The following TRIM68 variants were observed in gnomAD, a reference collection of about 807,000 sequenced individuals.
The protein encoded by TRIM68 is tripartite motif containing 68.
TRIM68 carries 36 observed loss-of-function variants against 41.9 expected under a neutral mutation model. The observed-to-expected ratio is 0.86, with a 90% CI of 0.66 to 1.14. The LOEUF is 1.14. Among genes scored for constraint, TRIM68 ranks in the 50% most tolerant of loss-of-function variants. The pLI is 0.00. For missense variants in TRIM68, 632 were observed against 605.1 expected (o/e 1.04, Z -0.47); for synonymous variants, 225 against 224.6 (o/e 1.00, Z -0.02).
rs1205511915 is a variant in TRIM68, at chr11:4,605,461, G to T, written c.44C>A (p.Ala15Asp). The T allele has an allele frequency of 6.2e-7, 1 of 1,612,644 alleles. No individual in the cohort carries two copies. Residue 15 changes from alanine to aspartate, a missense_variant, in exon 2 of 7, where the codon GCC becomes GAC. Transcript: ENST00000300747. ...ALVEAIVEEV[A>D]CPICMTFLRE... ...CAGGAAGGTCATACAGATGGGACAG[G>T]CCACTTCTTCCACAATGGCTTCCAC...
chr11:4,602,350 T>C lies in TRIM68; in HGVS notation c.585A>G (p.Leu195=), dbSNP rs1197115118. Residue 195 remains leucine, a synonymous_variant, in exon 4 of 7, where the codon CTA becomes CTG. Transcript: ENST00000300747. ...VWEFEKYQRL[L]EKKQPPHRQL... ...GCCGATGTGGTGGCTGCTTTTTCTC[T>C]AGTAATCGCTGGTATTTTTCAAACT... The C allele has an allele frequency of 6.2e-7, 1 of 1,614,190 alleles. No homozygotes were observed. Among genetic ancestry groups the C allele is most frequent in the Non-Finnish European group, 8.5e-7 (1 of 1,180,042 alleles).
At position 4,599,631 on chromosome 11, in the gene TRIM68, C is replaced by A. The variant is rs4910638; in HGVS notation, c.*645G>T. The A allele has an allele frequency of 0.57, 86,129 of 152,130 alleles. 24,561 individuals are homozygous for A. The highest frequency in any genetic ancestry group is 0.63 in the East Asian group (3,257 of 5,172). 9.4% of individuals were successfully genotyped at this position (152,130 alleles called of 1,614,324 possible). ...AAAGGCAAGACTAGGACACTGGTCT[C>A]CTGGAGTCCAAGGGACAGTGATTTG... On this transcript the variant is annotated 3_prime_UTR_variant, in exon 7 of 7. Transcript: ENST00000300747.
chr11:4,601,912 G>T, intron 4 of TRIM68: 1 of 766,778 alleles, frequency 1.3e-6, no homozygotes, highest in Non-Finnish European at 2.1e-6. Flanking sequence ...GGCTAGAGGA[G>T]AGGGCCTGGA....
Position 4,605,341 on chromosome 11 carries a change from TA to T in TRIM68, c.163del (p.Tyr55ThrfsTer25), listed in dbSNP as rs1382991980. On this transcript the variant is annotated frameshift_variant, in exon 2 of 7. Transcript: ENST00000300747. LOFTEE classifies it high-confidence loss of function. Reference protein sequence around the residue: ...EIPGESQNWGYTCPLCRAPVQ... With the variant: ...EIPGESQNWGXTCPLCRAPVQ... ...AGGAGCTCGACAGAGGGGACAGGTG[TA>T]ACCCCAGTTCTGGGATTCTCCTGGG... 6.2e-7 allele frequency: 1 copy of T among 1,614,106 alleles called. No individual in the cohort carries two copies. Among genetic ancestry groups the T allele is most frequent in the East Asian group, 2.2e-5 (1 of 44,888 alleles).
Position 4,599,863 on chromosome 11 carries a change from A to G in TRIM68, c.*413T>C, listed in dbSNP as rs138145498. The G allele has an allele frequency of 1.2e-3, 196 of 159,606 alleles. 2 individuals carry two copies. Among genetic ancestry groups the G allele is most frequent in the African/African-American group, 4.2e-3 (177 of 41,858 alleles). 9.9% of individuals were successfully genotyped at this position (159,606 alleles called of 1,614,324 possible). A position where few individuals can be genotyped will look rare whatever the true frequency, so the allele number is the denominator to read the frequency against. On this transcript the variant is annotated 3_prime_UTR_variant, in exon 7 of 7. Coordinates refer to ENST00000300747, the MANE Select transcript of TRIM68 (RefSeq NM_018073.8). Reference sequence around the variant, plus strand: ...GGTATGCGCAGCATTTTTTTGGCCTATTGGGAAAGCCCATCTAATGGTGTC... The same window carrying G: ...GGTATGCGCAGCATTTTTTTGGCCTGTTGGGAAAGCCCATCTAATGGTGTC...
chr11:4,602,027 A>T, intron 4 of TRIM68, 125 bp downstream of exon 4: 2 of 1,403,796 alleles, frequency 1.4e-6, no homozygotes, highest in Non-Finnish European at 2.0e-6. Context: ...CTGGGGAAAC[A>T]CAGGATCCAT....
At chr11:4,606,550 T>C (rs529917632) in intron 1 of TRIM68, among the ~76,000 whole-genome samples, 2 of 152,358 alleles carry the variant, frequency 1.3e-5, no homozygotes, top group East Asian at 1.9e-4. Context: ...TAGGAAATAG[T>C]TCCTAAACCC....
At position 4,605,343 on chromosome 11, in the gene TRIM68, A is replaced by T; in HGVS notation, c.162T>A (p.Gly54=). 1 of 1,614,152 alleles carries T rather than the reference A, an allele frequency of 6.2e-7. No homozygotes were observed. Among genetic ancestry groups the T allele is most frequent in the East Asian group, 2.2e-5 (1 of 44,866 alleles). ...WEIPGESQNW[G]YTCPLCRAPV... is the part of the protein sequence containing the mutation. ...GAGCTCGACAGAGGGGACAGGTGTA[A>T]CCCCAGTTCTGGGATTCTCCTGGGA... Residue 54 remains glycine, a synonymous_variant, in exon 2 of 7, where the codon GGT becomes GGA. Coordinates refer to ENST00000300747, the MANE Select transcript of TRIM68 (RefSeq NM_018073.8).
Position 4,600,772 on chromosome 11 carries a change from T to C in TRIM68, c.962A>G (p.Asp321Gly), listed in dbSNP as rs1846475687. The change falls in exon 7 of 7, where the codon GAC (aspartate) becomes GGC (glycine). Residue 321 changes from aspartate to glycine, a missense_variant. By Grantham distance (94) the Asp-to-Gly change is moderately conservative. Transcript: ENST00000300747. ...TAYSRLIVSE[D>G]RKRVHYGDTN... ...GTCTCCATAGTGCACACGTTTTCTG[T>C]CCTCAGACACGATGAGACGGGAGTA... 1.2e-6 allele frequency: 2 copies of C among 1,613,932 alleles called. No homozygotes were observed. Among genetic ancestry groups the C allele is most frequent in the African/African-American group, 1.3e-5 (1 of 74,868 alleles).
Position 4,605,216 on chromosome 11 carries a change from G to C in TRIM68, c.289C>G (p.Leu97Val). The C allele has an allele frequency of 6.2e-7, 1 of 1,614,226 alleles. No homozygotes were observed. The highest frequency in any genetic ancestry group is 8.5e-7 in the Non-Finnish European group (1 of 1,180,044). The change falls in exon 2 of 7, where the codon CTG (leucine) becomes GTG (valine). Residue 97 changes from leucine to valine, a missense_variant. Transcript: ENST00000300747. ...LHPGMGLKGD[L>V]CERHGEKLKM... is the part of the protein sequence containing the mutation. Reference sequence around the variant, plus strand: ...AGCTTTTCCCCATGGCGCTCACACAGGTCACCCTTCAGCCCCATTCCTGGA... The same window carrying C: ...AGCTTTTCCCCATGGCGCTCACACACGTCACCCTTCAGCCCCATTCCTGGA...
chr11:4,600,211 G>A lies in TRIM68; in HGVS notation c.*65C>T, dbSNP rs923238255. Reference sequence around the variant, plus strand: ...TTCAGGGGATACCTGTCAGTGGCTCGGTCCTCCAAGCCCCATGGGGGCCAG... The same window carrying A: ...TTCAGGGGATACCTGTCAGTGGCTCAGTCCTCCAAGCCCCATGGGGGCCAG... On this transcript the variant is annotated 3_prime_UTR_variant, in exon 7 of 7. Transcript: ENST00000300747. 35 of 1,465,238 alleles carry A rather than the reference G, an allele frequency of 2.4e-5. No homozygotes were observed. In the South Asian group the frequency reaches 3.1e-4, roughly 13 times the overall value. 90.8% of individuals were successfully genotyped at this position (1,465,238 alleles called of 1,614,324 possible). A position where few individuals can be genotyped will look rare whatever the true frequency, so the allele number is the denominator to read the frequency against.
Position 4,605,413 on chromosome 11 carries a change from C to G in TRIM68, c.92G>C (p.Cys31Ser). ...TFLREPMSID[C>S]GHSFCHSCLS... ...ACAGCTGTGGCAGAAGCTGTGGCCA[C>G]AGTCAATGCTCATGGGCTCCCTCAG... is the stretch of plus-strand genomic sequence containing the variant. Residue 31 changes from cysteine to serine, a missense_variant, in exon 2 of 7, where the codon TGT becomes TCT. Physicochemically the swap from Cys to Ser is moderately radical, Grantham distance 112. Coordinates refer to ENST00000300747, the MANE Select transcript of TRIM68 (RefSeq NM_018073.8). 4 of 1,614,220 alleles carry G rather than the reference C, an allele frequency of 2.5e-6. No homozygotes were observed. Among genetic ancestry groups the G allele is most frequent in the Non-Finnish European group, 3.4e-6 (4 of 1,180,034 alleles).
rs1846437404 is a variant in TRIM68, at chr11:4,599,038, G to A, written c.*1238C>T. On this transcript the variant is annotated 3_prime_UTR_variant, in exon 7 of 7. Transcript: ENST00000300747. ...GAATTACACCCATTTTCCCAATGAG[G>A]ACACATAAAACCTCCCAAACATGTG... is the stretch of plus-strand genomic sequence containing the variant. 6.6e-6 allele frequency: 1 copy of A among 152,132 alleles called. No individual in the cohort carries two copies. Among genetic ancestry groups the A allele is most frequent in the African/African-American group, 2.4e-5 (1 of 41,430 alleles). 9.4% of individuals were successfully genotyped at this position (152,132 alleles called of 1,614,324 possible). A position where few individuals can be genotyped will look rare whatever the true frequency, so the allele number is the denominator to read the frequency against.
Position 4,602,523 on chromosome 11 carries a change from T to A in TRIM68, c.523-111A>T, listed in dbSNP as rs994197292. 3 of 1,382,064 alleles carry A rather than the reference T, an allele frequency of 2.2e-6. No individual in the cohort carries two copies. In the African/African-American group the frequency reaches 4.3e-5, roughly 20 times the overall value. The allele number at this position is 1,382,064 out of a possible 1,614,324, so 85.6% of individuals were successfully genotyped here. A position where few individuals can be genotyped will look rare whatever the true frequency, so the allele number is the denominator to read the frequency against. ...CAATGGTACCAACCACGTGACAGGC[T>A]ATGCAGGGGCAAAGATAAAGGATAC... On this transcript the variant is annotated intron_variant, in intron 3 of 6. Coordinates refer to ENST00000300747, the MANE Select transcript of TRIM68 (RefSeq NM_018073.8).
At chr11:4,601,832 T>C in intron 4 of TRIM68, 146 bp from the exon 5 acceptor site, 2 of 958,818 alleles carry the variant, frequency 2.1e-6, no homozygotes, top group Non-Finnish European at 1.6e-6. Context: ...GAGAAGCCTA[T>C]GGAAGGATGG....
At position 4,603,319 on chromosome 11, in the gene TRIM68, C is replaced by T. The variant is rs760254220; in HGVS notation, c.448G>A (p.Glu150Lys). 31 of 1,614,084 alleles carry T rather than the reference C, an allele frequency of 1.9e-5. No individual in the cohort carries two copies. Among genetic ancestry groups the T allele is most frequent in the East Asian group, 4.5e-5 (2 of 44,894 alleles). Residue 150 changes from glutamate (E) to lysine (K), a missense_variant, in exon 3 of 7, where the codon GAA becomes AAA. Physicochemically the swap from Glu to Lys is moderately conservative, Grantham distance 56 (BLOSUM62 1). Transcript: ENST00000300747. The stretch of plus-strand genomic sequence containing the variant: ...TCTTCTTGCTCTTTCTTCAGATGTT[C>T]GAGGGCCTCATGAAGTTCCCACTGC... ...EYKWELHEAL[E>K]HLKKEQEEAW...
intron 1 of TRIM68, among the ~76,000 whole-genome samples, chr11:4,607,730 T>C (rs577619049): frequency 9.8e-4 from 150 of 152,380 alleles, no homozygotes; most frequent in Admixed American, 1.8e-3. Flanking sequence ...CTTTTTATTA[T>C]ACATGAATTA....
At chr11:4,603,903 T>G (rs1846530931) in intron 2 of TRIM68, among the ~76,000 whole-genome samples, 1 of 152,218 alleles carries the variant, frequency 6.6e-6, no homozygotes, top group African/African-American at 2.4e-5. Flanking sequence ...ACCATTTAAT[T>G]CTGCTATTTT....
At chr11:4,606,308 C>T (rs751509185) in intron 1 of TRIM68, among the ~76,000 whole-genome samples, 2 of 152,192 alleles carry the variant, frequency 1.3e-5, no homozygotes, top group Non-Finnish European at 2.9e-5. Context: ...AGCAAGAAAT[C>T]TGAGATTTTT....
Sources: allele counts gnomAD v4.1 joint callset (sites outside exome capture counted in the v4.1 genomes callset), GRCh38; gene constraint gnomAD v4.1.1; transcripts MANE v1.5; gene names NCBI Gene and HGNC (gene_info 2026-07-23, HGNC 2026-07-21).